Variants in UTP4 observed in about 807,000 individuals in gnomAD.
UTP4 encodes the protein UTP4 small subunit processome component.
UTP4 carries 45 observed loss-of-function variants against 82.4 expected under a neutral mutation model. That is an observed-to-expected ratio of 0.55 (90% CI 0.43 to 0.70). The LOEUF is 0.70. UTP4 is among the 30% of genes least tolerant of loss of function. The pLI is 0.00. For synonymous variants in UTP4, 348 were observed against 300.3 expected, an observed-to-expected ratio of 1.16 and a Z score of -1.64; for missense variants, 819 against 858.3, an observed-to-expected ratio of 0.95 and a Z score of 0.57.
chr16:69,160,101 C>G lies in UTP4; in HGVS notation c.1445-255C>G, dbSNP rs528827815. On this transcript the variant is annotated intron_variant, in intron 12 of 16. Transcript: ENST00000314423. ...CGTCATTCTCTATTCCTGTAGTAAG[C>G]AGTGTCTTAGGCCTGAGGAAGTAAT... Among the ~76,000 whole-genome samples the G allele has an allele frequency of 3.9e-5, 6 of 152,250 alleles. No homozygotes were observed. The South Asian group carries it at 1.2e-3, about 32-fold the overall frequency.
intron 2 of UTP4, among the ~76,000 whole-genome samples, chr16:69,134,981 C>A (rs2152276214): frequency 6.6e-6 from 1 of 151,784 alleles, no homozygotes; most frequent in East Asian, 1.9e-4. Context: ...GCCCTCATAC[C>A]AGACTGATTA....
intron 8 of UTP4, among the ~76,000 whole-genome samples, chr16:69,152,468 T>TC (rs1381253137): frequency 7.1e-5 from 10 of 140,870 alleles, no homozygotes; most frequent in Admixed American, 6.9e-4. Context: ...GTTTTTCTTT[T>TC]TTTTTTTTTT....
At chr16:69,144,440 G>A (rs994519737) in intron 6 of UTP4, among the ~76,000 whole-genome samples, 5 of 151,760 alleles carry the variant, frequency 3.3e-5, no homozygotes, top group Non-Finnish European at 5.9e-5. Flanking sequence ...TGCCTGCCTC[G>A]GCCTCCCAAA....
intron 6 of UTP4, among the ~76,000 whole-genome samples, chr16:69,145,214 C>A (rs1156259218): frequency 6.6e-6 from 1 of 152,052 alleles, no homozygotes; most frequent in African/African-American, 2.4e-5. Context: ...AGGAGAAGTC[C>A]TTGTCTTCCA....
chr16:69,133,073 A>G, intron 1 of UTP4: 1 of 294,824 alleles, frequency 3.4e-6, no homozygotes, highest in Non-Finnish European at 6.6e-6. Flanking sequence ...TTTCTTCCTC[A>G]AGAGGAGCTC....
At chr16:69,155,837 A>T in intron 10 of UTP4, 34 bp from the exon 11 acceptor site, 1 of 1,613,922 alleles carries the variant, frequency 6.2e-7, no homozygotes, top group Admixed American at 1.7e-5. Context: ...GTGAAGTTTA[A>T]TTGCACATTC....
rs1298807940 is a variant in UTP4 at position 69,163,996 on chromosome 16, C to T, written c.1647+818C>T. Among the ~76,000 whole-genome samples, 3 of 151,848 alleles carry T rather than the reference C, an allele frequency of 2.0e-5. No individual in the cohort carries two copies. The East Asian group carries it at 5.8e-4, about 29-fold the overall frequency. ...CGCCTTCCGGGTTCATGTCATCCTC[C>T]TGCCTCAGCCTCCCGAGTAGCTGGA... On this transcript the variant is annotated intron_variant, in intron 14 of 16. Transcript: ENST00000314423.
At chr16:69,136,350 C>G (rs1195183103) in intron 2 of UTP4, among the ~76,000 whole-genome samples, 3 of 152,196 alleles carry the variant, frequency 2.0e-5, no homozygotes, top group African/African-American at 7.2e-5. Flanking sequence ...CCGTCAGCCT[C>G]CGTAGTAGCT....
Position 69,162,184 on chromosome 16 carries a change from G to T in UTP4, c.1552-899G>T, listed in dbSNP as rs569454714. Among the ~76,000 whole-genome samples the T allele has an allele frequency of 2.7e-3, 404 of 151,276 alleles. 2 individuals are homozygous for T. Among genetic ancestry groups the T allele is most frequent in the Middle Eastern group, 0.011 (3 of 282 alleles). ...GGGTTTCACCATGTTGGCCAGGCTG[G>T]TCTCAAACTCCTGACCTCGTGATCC... On this transcript the variant is annotated intron_variant, in intron 13 of 16. Coordinates refer to ENST00000314423, the MANE Select transcript of UTP4 (RefSeq NM_032830.3).
chr16:69,140,506 G>A (rs570020102), intron 5 of UTP4, among the ~76,000 whole-genome samples: 11 of 152,034 alleles, frequency 7.2e-5, no homozygotes, highest in Non-Finnish European at 1.5e-4. Flanking sequence ...ACCTGAGGTC[G>A]GGAGTTCAAG....
chr16:69,143,131 A>G, intron 5 of UTP4, 47 bp from the exon 6 acceptor site: 1 of 1,594,512 alleles, frequency 6.3e-7, no homozygotes, highest in Non-Finnish European at 8.6e-7. Context: ...GATTTTGAAG[A>G]CAGAGAAATA....
intron 12 of UTP4, among the ~76,000 whole-genome samples, chr16:69,159,469 C>T (rs1214420285): frequency 1.3e-5 from 2 of 152,150 alleles, no homozygotes; most frequent in Admixed American, 1.3e-4. Context: ...GTGGGCAGAT[C>T]ATAAGGTCAA....
At chr16:69,166,895 G>GT in intron 15 of UTP4, 180 bp from the exon 16 acceptor site, 1 of 599,352 alleles carries the variant, frequency 1.7e-6, no homozygotes, top group Non-Finnish European at 3.0e-6. Context: ...TTCCCCCCTA[G>GT]TTTTTCTGAA....
intron 9 of UTP4, among the ~76,000 whole-genome samples, chr16:69,154,135 C>G (rs1032230845): frequency 2.0e-5 from 3 of 152,112 alleles, no homozygotes; most frequent in African/African-American, 4.8e-5. Context: ...CGAGGCCACA[C>G]AAACTCCACC....
chr16:69,153,860 C>T (rs1234238763), intron 9 of UTP4, among the ~76,000 whole-genome samples, 180 bp downstream of exon 9: 1 of 152,030 alleles, frequency 6.6e-6, no homozygotes, highest in East Asian at 1.9e-4. Flanking sequence ...GAATCTTTAG[C>T]AGGATATTGG....
At chr16:69,168,352 C>A (rs1963752706) in intron 16 of UTP4, among the ~76,000 whole-genome samples, 1 of 143,522 alleles carries the variant, frequency 7.0e-6, no homozygotes. Context: ...GGGAGAATGG[C>A]GTGAACCCGG....
At chr16:69,166,700 C>T in intron 15 of UTP4, 1 of 256,136 alleles carries the variant, frequency 3.9e-6, no homozygotes, top group Non-Finnish European at 7.6e-6. Flanking sequence ...TGAGCTCCTG[C>T]ACTTGCCAGT....
intron 4 of UTP4, 82 bp downstream of exon 4, chr16:69,137,967 CATGA>C: frequency 2.3e-6 from 2 of 882,702 alleles, no homozygotes; most frequent in African/African-American, 1.6e-5. Flanking sequence ...GATATTTTCC[CATGA>C]ATCCAGGTAA....
chr16:69,154,339 G>A (rs943043421), intron 9 of UTP4, 54 bp from the exon 10 acceptor site: 44 of 1,400,968 alleles, frequency 3.1e-5, no homozygotes, highest in African/African-American at 2.1e-4. Context: ...GAAGAAAAAT[G>A]TACAAATACT....
Sources: gnomAD v4.1 joint callset for allele counts (sites outside exome capture counted in the v4.1 genomes callset) on GRCh38, gnomAD v4.1.1 for gene constraint, MANE v1.5 for transcripts, NCBI Gene and HGNC (gene_info 2026-07-23, HGNC 2026-07-21) for gene names.